The following C1orf185 variants were observed in gnomAD, a reference collection of about 807,000 sequenced individuals.
The protein encoded by C1orf185 is chromosome 1 open reading frame 185.
Under a neutral mutation model 16.1 loss-of-function variants are expected in C1orf185, and 13 were observed. The observed-to-expected ratio is 0.81, with a 90% CI of 0.53 to 1.28. The LOEUF (loss-of-function observed/expected upper bound fraction) is 1.28. Ranked by LOEUF, C1orf185 falls within the 50% of genes most tolerant of loss-of-function variation. The pLI is 0.00. For synonymous variants in C1orf185, 80 were observed against 76.9 expected (o/e 1.04, Z -0.21); for missense variants, 220 against 225.2 (o/e 0.98, Z 0.15).
At chr1:51,148,735 T>C (rs950568875), downstream of C1orf185, among the ~76,000 whole-genome samples, 2 of 152,018 alleles carry the variant, frequency 1.3e-5, no homozygotes, top group African/African-American at 4.8e-5. Context: ...GAGACCAGAC[T>C]GGACAACATA....
chr1:51,130,816 C>A (rs376777092), intron 3 of C1orf185, among the ~76,000 whole-genome samples: 63 of 152,240 alleles, frequency 4.1e-4, no homozygotes, highest in African/African-American at 1.5e-3. Flanking sequence ...GAAGTATGAG[C>A]CTTCCAGTTT....
chr1:51,117,862 A>G (rs1031766639), intron 2 of C1orf185, among the ~76,000 whole-genome samples: 1 of 152,070 alleles, frequency 6.6e-6, no homozygotes, highest in Non-Finnish European at 1.5e-5. Context: ...GGTTGCATGG[A>G]TAAGAAAAGA....
At chr1:51,149,665 A>G (rs1465217291), downstream of C1orf185, among the ~76,000 whole-genome samples, 1 of 152,188 alleles carries the variant, frequency 6.6e-6, no homozygotes, top group Non-Finnish European at 1.5e-5. Context: ...TCTGGAATAG[A>G]GGAAATACAA....
At chr1:51,123,979 T>TAG (rs1003727099) in intron 3 of C1orf185, among the ~76,000 whole-genome samples, 3 of 151,282 alleles carry the variant, frequency 2.0e-5, no homozygotes, top group African/African-American at 7.3e-5. Flanking sequence ...TATATATATA[T>TAG]ATAGAGAGAG....
At chr1:51,121,611 T>C (rs930922832) in intron 3 of C1orf185, among the ~76,000 whole-genome samples, 1 of 152,150 alleles carries the variant, frequency 6.6e-6, no homozygotes, top group Non-Finnish European at 1.5e-5. Flanking sequence ...GTTTTTCTTA[T>C]CTCAATTTCT....
At chr1:51,130,781 G>A (rs1646277534) in intron 3 of C1orf185, among the ~76,000 whole-genome samples, 1 of 152,148 alleles carries the variant, frequency 6.6e-6, no homozygotes, top group Non-Finnish European at 1.5e-5. Flanking sequence ...GATTATTGTA[G>A]CTTTGTAGTA....
downstream of C1orf185, among the ~76,000 whole-genome samples, chr1:51,152,259 TCCACTGG>T (rs1341393972): frequency 6.6e-6 from 1 of 152,172 alleles, no homozygotes; most frequent in Non-Finnish European, 1.5e-5. Context: ...CAAACCAGAA[TCCACTGG>T]CCTCTCTATA....
intron 4 of C1orf185, among the ~76,000 whole-genome samples, chr1:51,146,468 A>G (rs1340333059): frequency 6.6e-6 from 1 of 152,044 alleles, no homozygotes; most frequent in Non-Finnish European, 1.5e-5. Context: ...AAAAAAAAAA[A>G]AAAAGTTAGT....
downstream of C1orf185, among the ~76,000 whole-genome samples, chr1:51,151,417 AC>A (rs1444028100): frequency 6.6e-6 from 1 of 152,268 alleles, no homozygotes; most frequent in African/African-American, 2.4e-5. Context: ...AGAAGGAGTC[AC>A]CAGCAAGATA....
At position 51,147,791 on chromosome 1, in the gene C1orf185, A is replaced by G. The variant is rs1275680190; in HGVS notation, c.*20A>G. On this transcript the variant is annotated 3_prime_UTR_variant, in exon 5 of 5. Coordinates refer to ENST00000371759, the MANE Select transcript of C1orf185 (RefSeq NM_001136508.2). Reference sequence around the variant, plus strand: ...TTATGACCATCAAAAAGATGACTACATTAAGGGAAAATGTTCATGAAGAAA... The same window carrying G: ...TTATGACCATCAAAAAGATGACTACGTTAAGGGAAAATGTTCATGAAGAAA... 2.1e-6 allele frequency: 3 copies of G among 1,462,596 alleles called. No individual in the cohort carries two copies. The highest frequency in any genetic ancestry group is 2.7e-6 in the Non-Finnish European group (3 of 1,100,732). 90.6% of individuals were successfully genotyped at this position (1,462,596 alleles called of 1,614,324 possible).
chr1:51,107,218 A>G (rs1057118043), intron 1 of C1orf185: 2 of 152,288 alleles, frequency 1.3e-5, no homozygotes, highest in Non-Finnish European at 2.9e-5. Context: ...GCCACTCCAT[A>G]AAAGGCTGCT....
intron 1 of C1orf185, among the ~76,000 whole-genome samples, chr1:51,108,586 C>G (rs533858082): frequency 6.6e-6 from 1 of 152,132 alleles, no homozygotes; most frequent in Non-Finnish European, 1.5e-5. Flanking sequence ...TCCCTTCCCC[C>G]ACTCCCTTCC....
chr1:51,111,765 C>T (rs1035779525), intron 1 of C1orf185, among the ~76,000 whole-genome samples: 10 of 152,180 alleles, frequency 6.6e-5, no homozygotes, highest in African/African-American at 2.4e-4. Context: ...GGTGCTCTGC[C>T]CGTCTCAGCC....
At chr1:51,124,844 T>C (rs932830385) in intron 3 of C1orf185, among the ~76,000 whole-genome samples, 8 of 152,202 alleles carry the variant, frequency 5.3e-5, no homozygotes, top group Non-Finnish European at 7.3e-5. Flanking sequence ...TTCACTTTAT[T>C]CTGTCTGGAC....
At chr1:51,142,697 C>A (rs1162542160) in intron 3 of C1orf185, among the ~76,000 whole-genome samples, 1 of 152,026 alleles carries the variant, frequency 6.6e-6, no homozygotes, top group African/African-American at 2.4e-5. Context: ...TCATGATATT[C>A]CTTTATTATT....
At chr1:51,109,845 T>TC (rs1168926283) in intron 1 of C1orf185, among the ~76,000 whole-genome samples, 1 of 152,198 alleles carries the variant, frequency 6.6e-6, no homozygotes, top group Non-Finnish European at 1.5e-5. Flanking sequence ...ACTTTTTTTT[T>TC]CCCCTCAGGA....
chr1:51,134,604 T>C (rs949439258), intron 3 of C1orf185, among the ~76,000 whole-genome samples: 2 of 151,972 alleles, frequency 1.3e-5, no homozygotes, highest in African/African-American at 4.8e-5. Context: ...AATAGACCAC[T>C]AGCTAGACTA....
chr1:51,111,642 C>G (rs1646121480), intron 1 of C1orf185, among the ~76,000 whole-genome samples: 1 of 152,062 alleles, frequency 6.6e-6, no homozygotes, highest in South Asian at 2.1e-4. Flanking sequence ...GCCTCAGCCT[C>G]CCGAGTAGCT....
chr1:51,133,125 G>A (rs1046256533), intron 3 of C1orf185, among the ~76,000 whole-genome samples: 1 of 152,140 alleles, frequency 6.6e-6, no homozygotes, highest in Non-Finnish European at 1.5e-5. Flanking sequence ...ATACGGACCA[G>A]TGACACTATA....
Sources: gnomAD v4.1 joint callset for allele counts (sites outside exome capture counted in the v4.1 genomes callset) on GRCh38, gnomAD v4.1.1 for gene constraint, MANE v1.5 for transcripts, NCBI Gene and HGNC (gene_info 2026-07-23, HGNC 2026-07-21) for gene names.